LYPLAL1: variants seen among roughly 807,000 people sequenced by gnomAD.
The protein encoded by LYPLAL1 is lysophospholipase-like protein 1.
In LYPLAL1, 23 loss-of-function variants were observed where a neutral mutation model predicts 19.7. The observed-to-expected ratio is 1.17, with a 90% CI of 0.84 to 1.65. The LOEUF (loss-of-function observed/expected upper bound fraction) is 1.65, where lower values mean the gene tolerates loss of function less well. Among genes scored for constraint, LYPLAL1 ranks in the 40% most tolerant of loss-of-function variants. The pLI is 0.00. For synonymous variants in LYPLAL1, 119 were observed against 96.3 expected (o/e 1.24, Z -1.38); for missense variants, 355 against 279.4 (o/e 1.27, Z -1.93).
At chr1:219,440,099 C>A in the LYPLAL1 span, among the ~76,000 whole-genome samples, 7 of 149,812 alleles carry the variant, frequency 4.7e-5, no homozygotes, top group African/African-American at 7.3e-5. Context: ...CACACACTCT[C>A]ACTCTCTTTT....
At chr1:219,284,187 C>T in the LYPLAL1 span, among the ~76,000 whole-genome samples, 1 of 152,206 alleles carries the variant, frequency 6.6e-6, no homozygotes, top group Non-Finnish European at 1.5e-5. Flanking sequence ...GAGGCATCCC[C>T]AGCCATGCAG....
chr1:219,221,748 G>A, the LYPLAL1 span, among the ~76,000 whole-genome samples: 1 of 152,194 alleles, frequency 6.6e-6, no homozygotes, highest in African/African-American at 2.4e-5. Flanking sequence ...CATTGAAGAT[G>A]TGGGACTGCA....
the LYPLAL1 span, among the ~76,000 whole-genome samples, chr1:219,443,921 C>CTCATACATAG: frequency 5.3e-5 from 8 of 152,172 alleles, no homozygotes; most frequent in African/African-American, 1.9e-4. Context: ...CATTGCAGGG[C>CTCATACATAG]CCACTCATAC....
chr1:219,226,687 T>C, the LYPLAL1 span, among the ~76,000 whole-genome samples: 3 of 152,204 alleles, frequency 2.0e-5, no homozygotes, highest in East Asian at 1.9e-4. Context: ...TACTCTGATA[T>C]CTTGTGTGCA....
the LYPLAL1 span, chr1:219,225,481 C>A: frequency 6.6e-6 from 1 of 152,144 alleles, no homozygotes; most frequent in Non-Finnish European, 1.5e-5. Context: ...CCCCTCTCAT[C>A]TTCTCACTTG....
chr1:219,290,673 A>G, the LYPLAL1 span, among the ~76,000 whole-genome samples: 3 of 152,014 alleles, frequency 2.0e-5, no homozygotes, highest in African/African-American at 7.2e-5. Context: ...CGGAATAGCT[A>G]TTCTTTCACC....
At chr1:219,262,269 A>G in the LYPLAL1 span, among the ~76,000 whole-genome samples, 2 of 151,882 alleles carry the variant, frequency 1.3e-5, no homozygotes, top group Non-Finnish European at 2.9e-5. Context: ...TATTTTTTAC[A>G]TTTATTTAAT....
At chr1:219,201,062 C>T (rs974135733) in intron 3 of LYPLAL1, among the ~76,000 whole-genome samples, 1 of 152,156 alleles carries the variant, frequency 6.6e-6, no homozygotes, top group Non-Finnish European at 1.5e-5. Flanking sequence ...GTTGATACTT[C>T]CAACCATCTT....
the LYPLAL1 span, among the ~76,000 whole-genome samples, chr1:219,343,140 T>A: frequency 6.6e-6 from 1 of 152,198 alleles, no homozygotes; most frequent in East Asian, 1.9e-4. Flanking sequence ...TGATCTTGTT[T>A]TTCTCCTCCC....
rs200423210 is a variant in LYPLAL1 at position 219,193,069 on chromosome 1, G to A, written c.192-13G>A. ...CCTTTCTTTTTTTTTGGGGGGGGGC[G>A]GTTGTTAAACAGATCATATACTCCT... On this transcript the variant is annotated splice_polypyrimidine_tract_variant and intron_variant, in intron 2 of 4. Coordinates refer to ENST00000366928, the MANE Select transcript of LYPLAL1 (RefSeq NM_138794.5). The A allele has an allele frequency of 3.9e-5, 58 of 1,475,718 alleles. No homozygotes were observed. The highest frequency in any genetic ancestry group is 1.8e-4 in the South Asian group (13 of 73,374). 91.4% of individuals were successfully genotyped at this position (1,475,718 alleles called of 1,614,324 possible).
the LYPLAL1 span, among the ~76,000 whole-genome samples, chr1:219,410,961 G>C: frequency 6.6e-6 from 1 of 152,220 alleles, no homozygotes; most frequent in Non-Finnish European, 1.5e-5. Flanking sequence ...TGTGTGGCCC[G>C]AGCCTCCCCG....
the LYPLAL1 span, chr1:219,270,995 G>A: frequency 6.6e-6 from 1 of 152,422 alleles, no homozygotes; most frequent in South Asian, 2.1e-4. Context: ...GCCCAGGCTG[G>A]AGTGCAGTGG....
At chr1:219,243,794 C>T in the LYPLAL1 span, among the ~76,000 whole-genome samples, 1 of 151,712 alleles carries the variant, frequency 6.6e-6, no homozygotes, top group Non-Finnish European at 1.5e-5. Context: ...TGGTGGGTGC[C>T]TGTAATCCCA....
chr1:219,395,393 T>TC, the LYPLAL1 span, among the ~76,000 whole-genome samples: 1 of 152,216 alleles, frequency 6.6e-6, no homozygotes, highest in Non-Finnish European at 1.5e-5. Context: ...GTGTTTTTTT[T>TC]CTCATATGCT....
At chr1:219,202,099 C>T (rs1658155759) in intron 3 of LYPLAL1, among the ~76,000 whole-genome samples, 1 of 152,166 alleles carries the variant, frequency 6.6e-6, no homozygotes, top group Non-Finnish European at 1.5e-5. Flanking sequence ...AGAACTTGGG[C>T]TCTAGACTCA....
At chr1:219,434,669 T>C in the LYPLAL1 span, among the ~76,000 whole-genome samples, 633 of 152,338 alleles carry the variant, frequency 4.2e-3, 5 homozygotes, top group African/African-American at 0.014. Context: ...GAAGGCTGAA[T>C]GATCAGCACC....
the LYPLAL1 span, among the ~76,000 whole-genome samples, chr1:219,307,973 G>A: frequency 1.3e-5 from 2 of 152,306 alleles, no homozygotes; most frequent in South Asian, 2.1e-4. Context: ...AAATCAGACA[G>A]GAAAATGTGA....
chr1:219,412,940 C>T, the LYPLAL1 span, among the ~76,000 whole-genome samples: 3 of 152,140 alleles, frequency 2.0e-5, no homozygotes, highest in African/African-American at 7.2e-5. Context: ...TTAAAAGGAA[C>T]CCTATAAGAC....
the LYPLAL1 span, among the ~76,000 whole-genome samples, chr1:219,327,558 A>AT: frequency 1.5e-3 from 227 of 152,266 alleles, 2 homozygotes; most frequent in Non-Finnish European, 2.7e-3. Flanking sequence ...ATTTTATTTG[A>AT]CTTAGTGTGA....
Sources: gnomAD v4.1 joint callset for allele counts (sites outside exome capture counted in the v4.1 genomes callset) on GRCh38, gnomAD v4.1.1 for gene constraint, MANE v1.5 for transcripts, NCBI Gene and HGNC (gene_info 2026-07-23, HGNC 2026-07-21) for gene names.